Variants in MOV10L1 observed in about 807,000 individuals in gnomAD.
The protein encoded by MOV10L1 is RNA helicase Mov10l1.
MOV10L1 carries 110 observed loss-of-function variants against 143.8 expected under a neutral mutation model. The observed-to-expected ratio is 0.76, with a 90% CI of 0.66 to 0.90. The LOEUF (loss-of-function observed/expected upper bound fraction) is 0.90. Among genes scored for constraint, MOV10L1 ranks in the 40% least tolerant of loss-of-function variants. The probability of loss-of-function intolerance (pLI) is 0.00; values close to 1 mark genes in which losing one functional copy is unlikely to be tolerated. For synonymous variants in MOV10L1, 593 were observed against 581.1 expected, an observed-to-expected ratio of 1.02 and a Z score of -0.29; for missense variants, 1,406 against 1,526.8, an observed-to-expected ratio of 0.92 and a Z score of 1.32.
chr22:50,128,097 A>G (rs924229885), intron 12 of MOV10L1, among the ~76,000 whole-genome samples: 3 of 152,108 alleles, frequency 2.0e-5, no homozygotes, highest in East Asian at 1.9e-4. Context: ...GCTTCCTTAC[A>G]GTAGGTAACA....
Position 50,113,681 on chromosome 22 carries a change from C to G in MOV10L1, c.777C>G (p.Phe259Leu), listed in dbSNP as rs139378210. The G allele has an allele frequency of 9.9e-6, 16 of 1,613,818 alleles. No homozygotes were observed. In the African/African-American group the frequency reaches 2.1e-4, roughly 22 times the overall value. Residue 259 changes from phenylalanine (F) to leucine (L), a missense_variant, in exon 6 of 27, where the codon TTC becomes TTG. Physicochemically the swap from Phe to Leu is conservative, Grantham distance 22. This residue lies in a region of MOV10L1 where 1,233 missense variants were observed against 1,351.4 expected (regional missense o/e 0.91). Coordinates refer to ENST00000262794, the MANE Select transcript of MOV10L1 (RefSeq NM_018995.3). ...CCCCTGTTCATGAGGCCACTCATTT[C>G]TATGGAACGATTTTGCTGAAGAACA... ...DAAPVHEATH[F>L]YGTILLKNKG...
chr22:50,095,902 C>T (rs1412417572), intron 2 of MOV10L1: 1 of 151,990 alleles, frequency 6.6e-6, no homozygotes, highest in Non-Finnish European at 1.5e-5. Context: ...CAAATGATCC[C>T]ATAGTTTCTG....
intron 2 of MOV10L1, among the ~76,000 whole-genome samples, chr22:50,092,491 A>G (rs776402382): frequency 6.6e-5 from 10 of 151,986 alleles, no homozygotes; most frequent in Non-Finnish European, 1.2e-4. Flanking sequence ...CACAAAAGTT[A>G]GCCTGGTGTC....
rs1444019197 is a variant in MOV10L1 at position 50,158,056 on chromosome 22, G to C, written c.3067-1G>C. The C allele has an allele frequency of 6.2e-7, 1 of 1,612,968 alleles. No homozygotes were observed. The highest frequency in any genetic ancestry group is 1.3e-5 in the African/African-American group (1 of 75,040). On this transcript the variant is annotated splice_acceptor_variant, in intron 22 of 26. Coordinates refer to ENST00000262794, the MANE Select transcript of MOV10L1 (RefSeq NM_018995.3). LOFTEE classifies it high-confidence loss of function. This position sits in a 1 kb window ranked among gnomAD's most constrained non-coding sequence, Gnocchi z 5.0. ...TAGGTTTTCTCTCCTCATCAACCCAGGGCAGCGAGGCACGGGAGGGAAAAA... is the reference window on the plus strand; with the variant it reads ...TAGGTTTTCTCTCCTCATCAACCCACGGCAGCGAGGCACGGGAGGGAAAAA...
chr22:50,160,142 C>T (rs935959661), intron 24 of MOV10L1, among the ~76,000 whole-genome samples: 2 of 152,010 alleles, frequency 1.3e-5, no homozygotes, highest in Non-Finnish European at 2.9e-5. Context: ...CAGCCGCAAG[C>T]GTGAGGGCTC....
intron 2 of MOV10L1, 48 bp downstream of exon 2, chr22:50,092,233 TTG>T (rs1252468744): frequency 1.3e-6 from 2 of 1,540,830 alleles, no homozygotes; most frequent in Non-Finnish European, 1.8e-6. Context: ...CCACGGGACT[TTG>T]TGTTGTTTTT....
chr22:50,122,158 A>G (rs1209256779), intron 10 of MOV10L1, among the ~76,000 whole-genome samples: 1 of 152,204 alleles, frequency 6.6e-6, no homozygotes, highest in Non-Finnish European at 1.5e-5. Flanking sequence ...GGACATTTTA[A>G]CAATATTGAA....
intron 19 of MOV10L1, among the ~76,000 whole-genome samples, chr22:50,146,780 C>A (rs2063164247): frequency 6.6e-6 from 1 of 152,166 alleles, no homozygotes; most frequent in African/African-American, 2.4e-5. Context: ...CCTATCACAG[C>A]GTGTCACGGA....
chr22:50,158,307 G>A lies in MOV10L1; in HGVS notation c.3216+101G>A. The A allele has an allele frequency of 6.9e-7, 1 of 1,457,156 alleles. No individual in the cohort carries two copies. Among genetic ancestry groups the A allele is most frequent in the Non-Finnish European group, 9.3e-7 (1 of 1,072,770 alleles). 90.3% of individuals were successfully genotyped at this position (1,457,156 alleles called of 1,614,324 possible). A position where few individuals can be genotyped will look rare whatever the true frequency, so the allele number is the denominator to read the frequency against. On this transcript the variant is annotated intron_variant, in intron 23 of 26. Coordinates refer to ENST00000262794, the MANE Select transcript of MOV10L1 (RefSeq NM_018995.3). The surrounding 1 kb of genome is among the most constrained non-coding windows in gnomAD (Gnocchi z 5.0). ...GGCAGGAACAAGCTCCTTGTGAGCA[G>A]CAGCAGGTTTTTAAAGGGGCAGGAC...
At chr22:50,127,684 T>C (rs538778807) in intron 12 of MOV10L1, among the ~76,000 whole-genome samples, 1 of 152,306 alleles carries the variant, frequency 6.6e-6, no homozygotes, top group South Asian at 2.1e-4. Context: ...CCATACTGTC[T>C]AGGAAAGAAT....
intron 5 of MOV10L1, 150 bp from the exon 6 acceptor site, chr22:50,113,498 C>G: frequency 1.9e-6 from 2 of 1,044,836 alleles, no homozygotes; most frequent in Middle Eastern, 3.0e-4. Context: ...GTTTGCCATC[C>G]TCCTTAGAAA....
intron 3 of MOV10L1, 54 bp from the exon 4 acceptor site, chr22:50,108,082 C>T: frequency 6.6e-7 from 1 of 1,518,492 alleles, no homozygotes; most frequent in Non-Finnish European, 9.1e-7. Flanking sequence ...ACCATGACCT[C>T]AGAATAACTT....
At chr22:50,131,559 G>C (rs1028681386) in intron 13 of MOV10L1, among the ~76,000 whole-genome samples, 5 of 152,114 alleles carry the variant, frequency 3.3e-5, no homozygotes, top group African/African-American at 9.7e-5. Context: ...AAACTTGGCA[G>C]CTTTATCCTG....
chr22:50,099,628 A>G (rs773821954), intron 3 of MOV10L1, 26 bp downstream of exon 3: 26 of 1,583,262 alleles, frequency 1.6e-5, no homozygotes, highest in Non-Finnish European at 2.2e-5. Flanking sequence ...TGTGTTCCAC[A>G]TTGAAAATTA....
intron 20 of MOV10L1, 60 bp from the exon 21 acceptor site, chr22:50,150,675 C>T: frequency 6.3e-7 from 1 of 1,576,930 alleles, no homozygotes; most frequent in Non-Finnish European, 8.6e-7. Context: ...CCCACCTGAG[C>T]CCGTAGGAGT....
rs1419940882 is a variant in MOV10L1, at chr22:50,091,939, G to T, written c.98-62G>T. On this transcript the variant is annotated intron_variant, in intron 1 of 26. Coordinates refer to ENST00000262794, the MANE Select transcript of MOV10L1 (RefSeq NM_018995.3). ...TTTGCACTCTGCCTTTCTCTGGTGGGGTTCACTGTAGCGTACGCTTGCTTT... is the reference window on the plus strand; with the variant it reads ...TTTGCACTCTGCCTTTCTCTGGTGGTGTTCACTGTAGCGTACGCTTGCTTT... The T allele has an allele frequency of 7.6e-5, 114 of 1,504,768 alleles. No individual in the cohort carries two copies. The South Asian group carries it at 1.2e-3, about 15-fold the overall frequency. 93.2% of individuals were successfully genotyped at this position (1,504,768 alleles called of 1,614,324 possible). A position where few individuals can be genotyped will look rare whatever the true frequency, so the allele number is the denominator to read the frequency against.
At chr22:50,124,910 C>G (rs2062451685) in intron 10 of MOV10L1, among the ~76,000 whole-genome samples, 1 of 152,216 alleles carries the variant, frequency 6.6e-6, no homozygotes. Flanking sequence ...CTTGGGATCA[C>G]AATCCTTTGC....
intron 2 of MOV10L1, chr22:50,095,031 T>C (rs2062553910): frequency 6.6e-6 from 1 of 152,142 alleles, no homozygotes; most frequent in Non-Finnish European, 1.5e-5. Context: ...AGAGACCCTG[T>C]CTCTTAAAAA....
intron 21 of MOV10L1, among the ~76,000 whole-genome samples, chr22:50,151,922 C>T (rs902469284): frequency 6.6e-6 from 1 of 152,228 alleles, no homozygotes; most frequent in African/African-American, 2.4e-5. Context: ...CCAACCAGAG[C>T]GGCTGCCACA....
Sources: gnomAD v4.1 joint callset for allele counts (sites outside exome capture counted in the v4.1 genomes callset) on GRCh38, gnomAD v4.1.1 for gene constraint, gnomAD v4.1.1 regional missense constraint, Gnocchi (gnomAD v3.1) non-coding constraint, MANE v1.5 for transcripts, NCBI Gene and HGNC (gene_info 2026-07-23, HGNC 2026-07-21) for gene names.